The following TDRD5 variants were observed in gnomAD, a reference collection of about 807,000 sequenced individuals.
TDRD5 encodes tudor domain containing 5, also known as tudor domain-containing protein 5.
TDRD5 carries 41 observed loss-of-function variants against 120.6 expected under a neutral mutation model. That is an observed-to-expected ratio of 0.34 (90% CI 0.26 to 0.44). The LOEUF (loss-of-function observed/expected upper bound fraction) is 0.44. Ranked by LOEUF, TDRD5 falls within the 20% of genes least tolerant of loss-of-function variation. TDRD5 has a pLI of 1.00. For synonymous variants in TDRD5, 430 were observed against 433.7 expected (o/e 0.99, Z 0.11); for missense variants, 1,006 against 1,221.2 (o/e 0.82, Z 2.63).
At chr1:179,672,400 C>A (rs1266193266) in intron 17 of TDRD5, among the ~76,000 whole-genome samples, 1 of 151,904 alleles carries the variant, frequency 6.6e-6, no homozygotes, top group East Asian at 1.9e-4. Flanking sequence ...GCTTGTTGAC[C>A]ATTTGTATAT....
chr1:179,610,935 T>C (rs72706720), intron 4 of TDRD5, among the ~76,000 whole-genome samples: 6,215 of 152,292 alleles, frequency 0.041, 185 homozygotes, highest in East Asian at 0.11. Flanking sequence ...TATTCATTCA[T>C]TGACATGTTG....
rs140931007 is a variant in TDRD5, at chr1:179,683,118, G to A, written c.2861-7578G>A. Among the ~76,000 whole-genome samples, 93 of 152,220 alleles carry A rather than the reference G, an allele frequency of 6.1e-4. 2 individuals carry two copies. In the Middle Eastern group the frequency reaches 0.02, roughly 33 times the overall value. On this transcript the variant is annotated intron_variant, in intron 17 of 17. Transcript: ENST00000444136. ...TTCTGAACTCTGTTTTCTCAACTCAGTAAGACTACCTGGTTCAGTCTGGAT... is the reference window on the plus strand; with the variant it reads ...TTCTGAACTCTGTTTTCTCAACTCAATAAGACTACCTGGTTCAGTCTGGAT...
rs112946355 is a variant in TDRD5 at position 179,594,411 on chromosome 1, T to C, written c.640+544T>C. 4.1e-3 allele frequency among the ~76,000 whole-genome samples: 617 copies of C among 152,332 alleles called. 4 individuals carry two copies. The highest frequency in any genetic ancestry group is 0.014 in the African/African-American group (583 of 41,578). On this transcript the variant is annotated intron_variant, in intron 3 of 17. Transcript: ENST00000444136. ...AGGTAGGGTAAGTAACTGTGTCTTA[T>C]AGATAGGGAGATCAAAGCTAAGGAA...
rs375940425 is a variant in TDRD5 at position 179,684,490 on chromosome 1, T to C, written c.2861-6206T>C. Among the ~76,000 whole-genome samples, 9 of 152,340 alleles carry C rather than the reference T, an allele frequency of 5.9e-5. No homozygotes were observed. The South Asian group carries it at 1.9e-3, about 32-fold the overall frequency. On this transcript the variant is annotated intron_variant, in intron 17 of 17. Transcript: ENST00000444136. ...GGTTCCAAGTCTTTGCTATTGTGAA[T>C]AGTGCTGCAATAAACATACATGTGC...
intron 17 of TDRD5, 52 bp downstream of exon 17, chr1:179,669,456 G>T (rs1679741410): frequency 6.3e-7 from 1 of 1,599,476 alleles, no homozygotes; most frequent in South Asian, 1.1e-5. Flanking sequence ...ATGATGGTTT[G>T]CCATGTTGCT....
intron 11 of TDRD5, among the ~76,000 whole-genome samples, chr1:179,649,769 T>C (rs1035301972): frequency 6.6e-6 from 1 of 152,198 alleles, no homozygotes; most frequent in African/African-American, 2.4e-5. Context: ...ATTTTTTATC[T>C]TTGCCTATGT....
At chr1:179,671,569 C>A (rs905963489) in intron 17 of TDRD5, among the ~76,000 whole-genome samples, 3 of 151,104 alleles carry the variant, frequency 2.0e-5, no homozygotes, top group Non-Finnish European at 4.4e-5. Context: ...AAACCTAGGA[C>A]AAATTATATG....
chr1:179,685,628 TG>T (rs1468320286), intron 17 of TDRD5, among the ~76,000 whole-genome samples: 1 of 152,222 alleles, frequency 6.6e-6, no homozygotes, highest in Non-Finnish European at 1.5e-5. Flanking sequence ...TAAATTACCT[TG>T]GGCAGTATGG....
intron 17 of TDRD5, among the ~76,000 whole-genome samples, chr1:179,678,640 T>C (rs1467448664): frequency 6.6e-6 from 1 of 152,232 alleles, no homozygotes; most frequent in East Asian, 1.9e-4. Context: ...TTTTCATCTT[T>C]TGTTAAATTT....
chr1:179,609,813 A>C lies in TDRD5; in HGVS notation c.832-8786A>C, dbSNP rs559825611. On this transcript the variant is annotated intron_variant, in intron 4 of 17. Coordinates refer to ENST00000444136, the MANE Select transcript of TDRD5 (RefSeq NM_001199085.3). ...CTCCAGCCTCAAAGAACTTCTCTCCACTTGCGCAAATCAGTACTCATCTAG... is the reference window on the plus strand; with the variant it reads ...CTCCAGCCTCAAAGAACTTCTCTCCCCTTGCGCAAATCAGTACTCATCTAG... Among the ~76,000 whole-genome samples the C allele has an allele frequency of 3.9e-5, 6 of 152,184 alleles. No homozygotes were observed. In the East Asian group the frequency reaches 1.2e-3, roughly 29 times the overall value.
intron 3 of TDRD5, 41 bp from the exon 4 acceptor site, chr1:179,595,587 C>G (rs1157232500): frequency 1.3e-6 from 2 of 1,497,788 alleles, no homozygotes; most frequent in Non-Finnish European, 1.8e-6. Flanking sequence ...ATAGAAGTTG[C>G]TAGTGACAAT....
rs1396847157 is a variant in TDRD5 at position 179,639,472 on chromosome 1, GC to G, written c.1521-366del. On this transcript the variant is annotated intron_variant, in intron 9 of 17. Transcript: ENST00000444136. Reference sequence around the variant, plus strand: ...TGAAACAGGATAGGGTAACGCTGCAGCAAGATAATGTGTATTGAAGGCTGAG... The same window carrying G: ...TGAAACAGGATAGGGTAACGCTGCAGAAGATAATGTGTATTGAAGGCTGAG... Among the ~76,000 whole-genome samples, 7 of 152,334 alleles carry G rather than the reference GC, an allele frequency of 4.6e-5. No individual in the cohort carries two copies. The East Asian group carries it at 1.2e-3, about 25-fold the overall frequency.
chr1:179,634,125 C>T (rs190611700), intron 7 of TDRD5, among the ~76,000 whole-genome samples: 51 of 150,756 alleles, frequency 3.4e-4, no homozygotes, highest in South Asian at 8.4e-4. Context: ...GAGCCGAGAT[C>T]GCACCACTGC....
Position 179,690,979 on chromosome 1 carries a change from C to A in TDRD5, c.*36C>A, listed in dbSNP as rs752201157. ...GAGGAGGGAGAAAAACAGAATCCAGCCGCTTAGGCTTTGATGAACTCCCAG... is the reference window on the plus strand; with the variant it reads ...GAGGAGGGAGAAAAACAGAATCCAGACGCTTAGGCTTTGATGAACTCCCAG... On this transcript the variant is annotated 3_prime_UTR_variant, in exon 18 of 18. Coordinates refer to ENST00000444136, the MANE Select transcript of TDRD5 (RefSeq NM_001199085.3). 8.2e-6 allele frequency: 13 copies of A among 1,583,524 alleles called. No individual in the cohort carries two copies. In the Admixed American group the frequency reaches 2.3e-4, roughly 28 times the overall value.
intron 11 of TDRD5, among the ~76,000 whole-genome samples, chr1:179,644,871 A>G (rs556630384): frequency 3.3e-5 from 5 of 151,264 alleles, no homozygotes; most frequent in African/African-American, 7.3e-5. Flanking sequence ...CCTTAATTCT[A>G]CTTTCTTTGG....
intron 14 of TDRD5, among the ~76,000 whole-genome samples, chr1:179,654,839 T>C (rs1448295211): frequency 6.6e-6 from 1 of 151,960 alleles, no homozygotes; most frequent in African/African-American, 2.4e-5. Context: ...CAATATAACC[T>C]TGATCATAAA....
chr1:179,652,581 C>T (rs1678782261), intron 13 of TDRD5, among the ~76,000 whole-genome samples: 1 of 152,134 alleles, frequency 6.6e-6, no homozygotes, highest in African/African-American at 2.4e-5. Context: ...TTTTTTCCAG[C>T]CCACAGTAAT....
At chr1:179,607,630 T>C (rs1676046951) in intron 4 of TDRD5, among the ~76,000 whole-genome samples, 1 of 152,018 alleles carries the variant, frequency 6.6e-6, no homozygotes, top group Non-Finnish European at 1.5e-5. Flanking sequence ...GCATATAATA[T>C]TATAACATTT....
intron 9 of TDRD5, among the ~76,000 whole-genome samples, chr1:179,637,639 G>C (rs10157699): frequency 0.75 from 113,804 of 151,566 alleles, 42,813 homozygotes; most frequent in East Asian, 0.88. Context: ...CCCAGCTCCC[G>C]AGGAGGTTGA....
Sources: allele counts gnomAD v4.1 joint callset (sites outside exome capture counted in the v4.1 genomes callset), GRCh38; gene constraint gnomAD v4.1.1; transcripts MANE v1.5; gene names NCBI Gene and HGNC (gene_info 2026-07-23, HGNC 2026-07-21).